The following ARMH3 variants were observed in gnomAD, a reference collection of about 807,000 sequenced individuals.
ARMH3 encodes the protein armadillo-like helical domain-containing protein 3.
ARMH3 carries 60 observed loss-of-function variants against 99.1 expected under a neutral mutation model. The observed-to-expected ratio is 0.61, with a 90% confidence interval of 0.49 to 0.75. The LOEUF (loss-of-function observed/expected upper bound fraction) is 0.75. ARMH3 is among the 30% of genes least tolerant of loss of function. The probability of loss-of-function intolerance (pLI) is 0.00; values close to 1 mark genes in which losing one functional copy is unlikely to be tolerated. For synonymous variants in ARMH3, 285 were observed against 292.8 expected (o/e 0.97, Z 0.27); for missense variants, 679 against 843.1 (o/e 0.81, Z 2.41).
intron 23 of ARMH3, among the ~76,000 whole-genome samples, chr10:101,894,223 G>A (rs1009108426): frequency 6.6e-6 from 1 of 152,306 alleles, no homozygotes; most frequent in Non-Finnish European, 1.5e-5. Flanking sequence ...GGAGATGCCA[G>A]GTGGAGGGTA....
At chr10:101,855,651 T>C (rs1342592283) in intron 24 of ARMH3, among the ~76,000 whole-genome samples, 1 of 150,334 alleles carries the variant, frequency 6.7e-6, no homozygotes, top group Non-Finnish European at 1.5e-5. Context: ...TCTCAAGTGA[T>C]TCTTCCACCT....
chr10:101,916,366 C>A (rs1843087627), intron 23 of ARMH3, among the ~76,000 whole-genome samples: 1 of 152,030 alleles, frequency 6.6e-6, no homozygotes, highest in South Asian at 2.1e-4. Context: ...ACCCCCCACC[C>A]CCATCCCAGC....
chr10:102,017,765 T>G (rs1229160882), intron 8 of ARMH3, among the ~76,000 whole-genome samples: 1 of 152,192 alleles, frequency 6.6e-6, no homozygotes, highest in Admixed American at 6.5e-5. Flanking sequence ...TACCCACCAT[T>G]CATCAGTTCC....
chr10:101,939,451 CCT>C lies in ARMH3; in HGVS notation c.1781+410_1781+411del, dbSNP rs1444583704. Among the ~76,000 whole-genome samples, 4 of 152,250 alleles carry C rather than the reference CCT, an allele frequency of 2.6e-5. No homozygotes were observed. In the East Asian group the frequency reaches 7.7e-4, roughly 29 times the overall value. On this transcript the variant is annotated intron_variant, in intron 23 of 25. Transcript: ENST00000370033. ...GACTCAGCCCCATGGACTCCAATTG[CCT>C]CTGTTTACCATAAATAGAAATAGTC...
chr10:102,022,165 G>A (rs541693945), intron 8 of ARMH3, among the ~76,000 whole-genome samples: 145 of 152,052 alleles, frequency 9.5e-4, no homozygotes, highest in Admixed American at 1.6e-3. Flanking sequence ...TCATGTTCAC[G>A]ACAACAAAAC....
intron 20 of ARMH3, among the ~76,000 whole-genome samples, chr10:101,974,281 C>T (rs1353515632): frequency 6.6e-6 from 1 of 152,266 alleles, no homozygotes; most frequent in Middle Eastern, 3.4e-3. Context: ...TGTGTCACAA[C>T]GAATGAGATG....
chr10:101,945,931 A>G (rs921941843), intron 22 of ARMH3, among the ~76,000 whole-genome samples: 3 of 151,514 alleles, frequency 2.0e-5, no homozygotes, highest in African/African-American at 7.3e-5. Flanking sequence ...AAAATACAAA[A>G]AATTAGCCAG....
At chr10:101,928,652 G>A (rs1843598361) in intron 23 of ARMH3, among the ~76,000 whole-genome samples, 1 of 152,208 alleles carries the variant, frequency 6.6e-6, no homozygotes, top group African/African-American at 2.4e-5. Context: ...CTGGGCAAGA[G>A]AGAGAGGCCT....
Position 101,973,359 on chromosome 10 carries a change from C to CA in ARMH3, c.1495+1852dup, listed in dbSNP as rs56712768. Among the ~76,000 whole-genome samples the CA allele has an allele frequency of 8.8e-3, 698 of 79,360 alleles. 11 individuals are homozygous for CA. The highest frequency in any genetic ancestry group is 0.018 in the African/African-American group (385 of 20,954). 52.1% of individuals were successfully genotyped at this position (79,360 alleles called of 152,430 possible). A position where few individuals can be genotyped will look rare whatever the true frequency, so the allele number is the denominator to read the frequency against. ...TGGGCGACAGAGCGAGACTCCGTCT[C>CA]AAAAAAAAAAAAAAAAAAAGAAAAA... On this transcript the variant is annotated intron_variant, in intron 20 of 25. Coordinates refer to ENST00000370033, the MANE Select transcript of ARMH3 (RefSeq NM_024541.3).
intron 1 of ARMH3, 86 bp from the exon 2 acceptor site, chr10:102,040,211 G>C: frequency 8.6e-7 from 1 of 1,163,474 alleles, no homozygotes; most frequent in Non-Finnish European, 1.3e-6. Flanking sequence ...ATTTGTCCAA[G>C]CCCATAGAAT....
chr10:101,889,608 C>G, intron 23 of ARMH3, 118 bp from the exon 24 acceptor site: 1 of 901,254 alleles, frequency 1.1e-6, no homozygotes, highest in Non-Finnish European at 1.9e-6. Flanking sequence ...CCGATTGTGA[C>G]TGGGTAACTT....
intron 24 of ARMH3, among the ~76,000 whole-genome samples, chr10:101,874,881 C>T (rs925345429): frequency 4.6e-5 from 7 of 152,114 alleles, no homozygotes; most frequent in Non-Finnish European, 8.8e-5. Flanking sequence ...GGTGGGACTG[C>T]TGTGAAGACT....
chr10:102,053,330 G>C (rs2067755483), intron 1 of ARMH3, among the ~76,000 whole-genome samples: 1 of 150,892 alleles, frequency 6.6e-6, no homozygotes, highest in South Asian at 2.1e-4. Flanking sequence ...ACAAATTTCT[G>C]AGATTTAAAA....
chr10:101,883,555 A>C (rs998110823), intron 24 of ARMH3, among the ~76,000 whole-genome samples: 3 of 152,178 alleles, frequency 2.0e-5, no homozygotes, highest in Non-Finnish European at 4.4e-5. Context: ...TTGCCTCATC[A>C]AGACAGGATA....
intron 24 of ARMH3, among the ~76,000 whole-genome samples, chr10:101,853,601 C>G (rs531331100): frequency 6.6e-6 from 1 of 152,186 alleles, no homozygotes; most frequent in Non-Finnish European, 1.5e-5. Context: ...CTTTCCAATC[C>G]GTCAGGTAAC....
At chr10:101,860,204 G>A (rs1259845763) in intron 24 of ARMH3, among the ~76,000 whole-genome samples, 2 of 152,076 alleles carry the variant, frequency 1.3e-5, no homozygotes, top group Admixed American at 1.3e-4. Flanking sequence ...TGAGAAAAGA[G>A]GAGGGAAGAA....
intron 22 of ARMH3, among the ~76,000 whole-genome samples, chr10:101,950,962 T>G (rs1255758195): frequency 6.6e-6 from 1 of 152,198 alleles, no homozygotes; most frequent in Non-Finnish European, 1.5e-5. Flanking sequence ...GAATTATATC[T>G]CATAAAGCTG....
intron 23 of ARMH3, among the ~76,000 whole-genome samples, chr10:101,933,340 A>G (rs1277903286): frequency 2.6e-5 from 4 of 152,218 alleles, no homozygotes; most frequent in Admixed American, 6.5e-5. Flanking sequence ...CTCATCTAAA[A>G]CACAGCAGCC....
intron 23 of ARMH3, among the ~76,000 whole-genome samples, chr10:101,911,527 A>G (rs1842867101): frequency 6.6e-6 from 1 of 152,194 alleles, no homozygotes; most frequent in Non-Finnish European, 1.5e-5. Context: ...GCTTGAGGCC[A>G]GGAGTTCGAG....
Sources: gnomAD v4.1 joint callset for allele counts (sites outside exome capture counted in the v4.1 genomes callset) on GRCh38, gnomAD v4.1.1 for gene constraint, MANE v1.5 for transcripts, NCBI Gene and HGNC (gene_info 2026-07-23, HGNC 2026-07-21) for gene names.